The following ABCB5 variants were observed in gnomAD, a reference collection of about 807,000 sequenced individuals.
ABCB5 encodes ATP binding cassette subfamily B member 5.
Under a neutral mutation model 144.2 loss-of-function variants are expected in ABCB5, and 155 were observed. That is an observed-to-expected ratio of 1.08 (90% CI 0.94 to 1.23). ABCB5 has a LOEUF of 1.23. ABCB5 is among the 50% of genes most tolerant of loss of function. ABCB5 has a pLI of 0.00. For missense variants in ABCB5, 1,830 were observed against 1,520.8 expected (o/e 1.20, Z -3.38); for synonymous variants, 610 against 528.6 (o/e 1.15, Z -2.11).
intron 20 of ABCB5, among the ~76,000 whole-genome samples, chr7:20,718,707 T>C (rs917530452): frequency 7.2e-5 from 11 of 152,196 alleles, no homozygotes; most frequent in Admixed American, 5.9e-4. Context: ...AGGGAAGCAA[T>C]TTGGCAATAC....
chr7:20,683,439 C>T (rs7812159), intron 15 of ABCB5, among the ~76,000 whole-genome samples: 49,653 of 152,018 alleles, frequency 0.33, 9,535 homozygotes, highest in African/African-American at 0.54. Flanking sequence ...AATAACTGGT[C>T]GAATTAAGCC....
At position 20,727,025 on chromosome 7, in the gene ABCB5, G is replaced by C; in HGVS notation, c.2626-15G>C. On this transcript the variant is annotated splice_polypyrimidine_tract_variant and intron_variant, in intron 21 of 27. Coordinates refer to ENST00000404938, the MANE Select transcript of ABCB5 (RefSeq NM_001163941.2). ...ACTAATTTTATTTCTATATTGTATT[G>C]TCCTGTTTTATAAGATAGCAACTGA... 1 of 1,569,474 alleles carries C rather than the reference G, an allele frequency of 6.4e-7. No individual in the cohort carries two copies. Among genetic ancestry groups the C allele is most frequent in the African/African-American group, 1.4e-5 (1 of 73,738 alleles).
intron 20 of ABCB5, among the ~76,000 whole-genome samples, chr7:20,706,829 A>C (rs1005178933): frequency 2.0e-5 from 3 of 152,230 alleles, no homozygotes; most frequent in African/African-American, 4.8e-5. Flanking sequence ...GTGGGACTCT[A>C]TCTCTATATT....
intron 5 of ABCB5, among the ~76,000 whole-genome samples, chr7:20,634,341 T>G (rs1005508209): frequency 2.6e-5 from 4 of 152,088 alleles, no homozygotes; most frequent in Non-Finnish European, 4.4e-5. Context: ...CTATTGTGAA[T>G]AGGGCTACAA....
At chr7:20,733,880 T>C (rs1317673691) in intron 23 of ABCB5, among the ~76,000 whole-genome samples, 1 of 152,086 alleles carries the variant, frequency 6.6e-6, no homozygotes, top group Non-Finnish European at 1.5e-5. Flanking sequence ...CCTCAAGTGA[T>C]CCACCTCCCT....
chr7:20,707,704 A>T (rs1449621898), intron 20 of ABCB5, among the ~76,000 whole-genome samples: 1 of 152,214 alleles, frequency 6.6e-6, no homozygotes, highest in Non-Finnish European at 1.5e-5. Context: ...TGCCCAAATA[A>T]ATCGTAAACA....
chr7:20,695,697 A>G (rs1295531469), intron 16 of ABCB5, among the ~76,000 whole-genome samples: 1 of 152,002 alleles, frequency 6.6e-6, no homozygotes, highest in East Asian at 1.9e-4. Context: ...CAAAAAATAT[A>G]AAGAACTCCC....
intron 5 of ABCB5, among the ~76,000 whole-genome samples, chr7:20,642,585 T>G (rs2128022702): frequency 6.6e-6 from 1 of 152,300 alleles, no homozygotes; most frequent in Non-Finnish European, 1.5e-5. Context: ...CTTATTATCT[T>G]GCTCATGGCT....
Position 20,643,561 on chromosome 7 carries a change from G to T in ABCB5, c.607G>T (p.Gly203Cys). Reference sequence around the variant, plus strand: ...TGGCCTGGCAGTTGGTTTGGTGAAGGGCTGGAAACTCACCCTAGTGACTCT... The same window carrying T: ...TGGCCTGGCAGTTGGTTTGGTGAAGTGCTGGAAACTCACCCTAGTGACTCT... Reference protein sequence around the residue: ...SIGLAVGLVKGWKLTLVTLST... With the variant: ...SIGLAVGLVKCWKLTLVTLST... The change falls in exon 7 of 28, where the codon GGC becomes TGC. Residue 203 changes from glycine (G) to cysteine (C), a missense_variant. Transcript: ENST00000404938. 6.2e-7 allele frequency: 1 copy of T among 1,613,952 alleles called. No individual in the cohort carries two copies. Among genetic ancestry groups the T allele is most frequent in the Non-Finnish European group, 8.5e-7 (1 of 1,179,886 alleles).
At chr7:20,618,153 G>T (rs1360488829) in intron 1 of ABCB5, among the ~76,000 whole-genome samples, 1 of 152,140 alleles carries the variant, frequency 6.6e-6, no homozygotes, top group Non-Finnish European at 1.5e-5. Flanking sequence ...TCAATTTATA[G>T]TGGTTTTATC....
intron 20 of ABCB5, among the ~76,000 whole-genome samples, chr7:20,718,170 A>G (rs1781748790): frequency 6.6e-6 from 1 of 151,754 alleles, no homozygotes; most frequent in South Asian, 2.1e-4. Context: ...CGGCCTCCCA[A>G]AGTCCTGGGA....
chr7:20,646,915 C>T (rs1425113813), intron 9 of ABCB5, among the ~76,000 whole-genome samples: 1 of 152,120 alleles, frequency 6.6e-6, no homozygotes, highest in African/African-American at 2.4e-5. Context: ...TTCACTCATC[C>T]TTGCTCCTCA....
chr7:20,636,399 G>A (rs1311745925), intron 5 of ABCB5, among the ~76,000 whole-genome samples: 1 of 151,904 alleles, frequency 6.6e-6, no homozygotes, highest in Non-Finnish European at 1.5e-5. Flanking sequence ...AGTTATGTAA[G>A]GGCTACTAAA....
chr7:20,732,337 T>A (rs558963545), intron 23 of ABCB5, among the ~76,000 whole-genome samples: 25 of 152,324 alleles, frequency 1.6e-4, no homozygotes, highest in African/African-American at 6.0e-4. Flanking sequence ...ATCACTCTCT[T>A]TCCCATCACC....
At chr7:20,737,418 C>T (rs10269525) in intron 23 of ABCB5, among the ~76,000 whole-genome samples, 131,363 of 152,102 alleles carry the variant, frequency 0.86, 57,101 homozygotes, top group African/African-American at 0.96. Context: ...CAAACACAAG[C>T]TCTGAGTTGA....
At chr7:20,692,390 A>G (rs977254062) in intron 16 of ABCB5, among the ~76,000 whole-genome samples, 1 of 151,956 alleles carries the variant, frequency 6.6e-6, no homozygotes, top group Non-Finnish European at 1.5e-5. Flanking sequence ...ATTTACAGAA[A>G]AATGCCCAAT....
At chr7:20,625,733 G>A (rs1428483120) in intron 2 of ABCB5, among the ~76,000 whole-genome samples, 1 of 152,194 alleles carries the variant, frequency 6.6e-6, no homozygotes, top group Admixed American at 6.5e-5. Flanking sequence ...CTATGGTGCA[G>A]TGTGAATGTT....
chr7:20,720,187 G>C (rs1351231845), intron 20 of ABCB5, among the ~76,000 whole-genome samples: 1 of 152,090 alleles, frequency 6.6e-6, no homozygotes, highest in Non-Finnish European at 1.5e-5. Flanking sequence ...ATATGTCAAA[G>C]GACAAAGCCA....
In ABCB5 at chr7:20,650,049, A is replaced by G. The variant is rs576787803; in HGVS notation, c.1234A>G (p.Lys412Glu). 7.2e-4 allele frequency: 1,163 copies of G among 1,613,326 alleles called. 18 individuals carry two copies. In the South Asian group the frequency reaches 0.012, roughly 16 times the overall value. Reference protein sequence around the residue: ...KILKGLNLRIKSGETVALVGL... With the variant: ...KILKGLNLRIESGETVALVGL... ...TCTGAAAGGTCTGAATCTCAGAATTAAGTCTGGAGAGACAGTCGCCTTGGT... is the reference window on the plus strand; with the variant it reads ...TCTGAAAGGTCTGAATCTCAGAATTGAGTCTGGAGAGACAGTCGCCTTGGT... Residue 412 changes from lysine (K) to glutamate (E), a missense_variant, in exon 12 of 28, where the codon AAG (lysine) becomes GAG (glutamate). Coordinates refer to ENST00000404938, the MANE Select transcript of ABCB5 (RefSeq NM_001163941.2).
Sources: gnomAD v4.1 joint callset for allele counts (sites outside exome capture counted in the v4.1 genomes callset) on GRCh38, gnomAD v4.1.1 for gene constraint, MANE v1.5 for transcripts, NCBI Gene and HGNC (gene_info 2026-07-23, HGNC 2026-07-21) for gene names.